RABGAP1L: variants seen among roughly 807,000 people sequenced by gnomAD.
The protein encoded by RABGAP1L is RAB GTPase activating protein 1 like.
A neutral mutation model predicts 137.7 loss-of-function variants in RABGAP1L; 63 were observed. That is an observed-to-expected ratio of 0.46 (90% CI 0.37 to 0.56). RABGAP1L has a LOEUF of 0.56. RABGAP1L is among the 20% of genes least tolerant of loss of function. The pLI is 0.00. For synonymous variants in RABGAP1L, 431 were observed against 433.7 expected, an observed-to-expected ratio of 0.99 and a Z score of 0.08; for missense variants, 1,095 against 1,244.0, an observed-to-expected ratio of 0.88 and a Z score of 1.80.
chr1:174,944,274 C>CA (rs56225773), intron 19 of RABGAP1L, among the ~76,000 whole-genome samples: 11,952 of 50,438 alleles, frequency 0.24, 1,356 homozygotes, highest in East Asian at 0.58. Context: ...AAGACTGTCT[C>CA]AAAAAAAAAA....
rs1052206248 is a variant in RABGAP1L at position 174,213,797 on chromosome 1, G to A, written c.-33-5328G>A. On this transcript the variant is annotated intron_variant, in intron 1 of 25. Transcript: ENST00000681986. ...ATTTGAAAACATTCAACATCGCTTC[G>A]TGATAAAAACCCTTAAAGAACTGGG... 4.6e-5 allele frequency among the ~76,000 whole-genome samples: 7 copies of A among 152,256 alleles called. No individual in the cohort carries two copies. The East Asian group carries it at 9.6e-4, about 21-fold the overall frequency.
chr1:174,704,096 C>G (rs1679874285), intron 17 of RABGAP1L, among the ~76,000 whole-genome samples: 1 of 152,202 alleles, frequency 6.6e-6, no homozygotes, highest in South Asian at 2.1e-4. Context: ...CTGCCGGGTT[C>G]AAGCAATTCT....
intron 10 of RABGAP1L, among the ~76,000 whole-genome samples, chr1:174,286,832 A>G (rs142083478): frequency 3.7e-4 from 56 of 152,190 alleles, no homozygotes; most frequent in African/African-American, 1.3e-3. Context: ...TAGTTTCTAT[A>G]TATCTGAATT....
intron 18 of RABGAP1L, among the ~76,000 whole-genome samples, chr1:174,779,101 C>A (rs1204400528): frequency 7.2e-5 from 11 of 152,206 alleles, no homozygotes; most frequent in Non-Finnish European, 7.3e-5. Context: ...CACATCTGTA[C>A]ATCATGTTTC....
chr1:174,599,347 T>C (rs1025440621), intron 13 of RABGAP1L, among the ~76,000 whole-genome samples: 2 of 152,256 alleles, frequency 1.3e-5, no homozygotes, highest in African/African-American at 4.8e-5. Context: ...TTTTGATCTT[T>C]ATATGGAAGA....
In RABGAP1L at chr1:174,609,490, T is replaced by C. The variant is rs1229799585; in HGVS notation, c.1711-27885T>C. Among the ~76,000 whole-genome samples, 12 of 152,262 alleles carry C rather than the reference T, an allele frequency of 7.9e-5. No homozygotes were observed. In the East Asian group the frequency reaches 2.3e-3, roughly 29 times the overall value. On this transcript the variant is annotated intron_variant, in intron 13 of 25. Coordinates refer to ENST00000681986, the MANE Select transcript of RABGAP1L (RefSeq NM_001366446.1). ...TTGATTAAAGGGGTAGAAGGGAATT[T>C]CAAACGAGAGGAGGACTGTAACCAT... is the stretch of plus-strand genomic sequence containing the variant.
intron 1 of RABGAP1L, among the ~76,000 whole-genome samples, chr1:174,184,232 C>G (rs147802238): frequency 6.6e-6 from 1 of 152,110 alleles, no homozygotes; most frequent in African/African-American, 2.4e-5. Flanking sequence ...CTTTGTCACT[C>G]ATTTCTTAGC....
intron 18 of RABGAP1L, among the ~76,000 whole-genome samples, chr1:174,797,521 G>T (rs1270272468): frequency 3.7e-5 from 5 of 134,420 alleles, no homozygotes; most frequent in South Asian, 2.5e-4. Flanking sequence ...GTGTGTAGGG[G>T]GTGTGTGTGT....
intron 13 of RABGAP1L, among the ~76,000 whole-genome samples, chr1:174,576,273 C>A (rs1329228965): frequency 3.9e-5 from 6 of 152,096 alleles, no homozygotes; most frequent in Non-Finnish European, 8.8e-5. Flanking sequence ...GCATTTATAG[C>A]CCTATCTTAT....
chr1:174,842,662 C>A (rs1693542835), intron 19 of RABGAP1L, among the ~76,000 whole-genome samples: 3 of 152,182 alleles, frequency 2.0e-5, no homozygotes, highest in Non-Finnish European at 4.4e-5. Context: ...GCTAAACTCA[C>A]ACAATCTTAC....
At chr1:174,573,211 CAT>C (rs777917152) in intron 13 of RABGAP1L, among the ~76,000 whole-genome samples, 32 of 148,474 alleles carry the variant, frequency 2.2e-4, no homozygotes, top group Non-Finnish European at 1.0e-4. Flanking sequence ...ATATGTGTGA[CAT>C]ATATACACAC....
chr1:174,604,503 C>T (rs1670636598), intron 13 of RABGAP1L, among the ~76,000 whole-genome samples: 1 of 152,154 alleles, frequency 6.6e-6, no homozygotes, highest in Non-Finnish European at 1.5e-5. Context: ...TAAAACCAGG[C>T]ACTGTGATTG....
intron 3 of RABGAP1L, among the ~76,000 whole-genome samples, chr1:174,223,580 A>G (rs984262734): frequency 8.5e-5 from 13 of 152,096 alleles, no homozygotes; most frequent in African/African-American, 2.9e-4. Context: ...AAATTTTAAT[A>G]AAATTATAAA....
Position 174,973,989 on chromosome 1 carries a change from T to G in RABGAP1L, c.2545-2089T>G, listed in dbSNP as rs895765131. On this transcript the variant is annotated intron_variant, in intron 21 of 25. Coordinates refer to ENST00000681986, the MANE Select transcript of RABGAP1L (RefSeq NM_001366446.1). Reference sequence around the variant, plus strand: ...GTACAATTGTTTTTTGTTTTTTTTTTTTTTTTTTTTTTTTTTTGAGACGGA... The same window carrying G: ...GTACAATTGTTTTTTGTTTTTTTTTGTTTTTTTTTTTTTTTTTGAGACGGA... 4.0e-4 allele frequency among the ~76,000 whole-genome samples: 56 copies of G among 139,280 alleles called. No individual in the cohort carries two copies. The South Asian group carries it at 8.2e-3, about 20-fold the overall frequency. 91.4% of individuals were successfully genotyped at this position (139,280 alleles called of 152,430 possible).
At chr1:174,694,426 A>C (rs1028817016) in intron 15 of RABGAP1L, among the ~76,000 whole-genome samples, 1 of 139,530 alleles carries the variant, frequency 7.2e-6, no homozygotes, top group African/African-American at 2.7e-5. Flanking sequence ...TTCAGTTCCC[A>C]CCTATGAGGG....
chr1:174,824,816 A>T (rs529513688), intron 19 of RABGAP1L, among the ~76,000 whole-genome samples: 101 of 150,696 alleles, frequency 6.7e-4, no homozygotes, highest in Non-Finnish European at 1.2e-3. Context: ...CTAAAAAAAA[A>T]TTTTTTTTTT....
intron 19 of RABGAP1L, among the ~76,000 whole-genome samples, chr1:174,908,811 T>C (rs1659556804): frequency 6.7e-6 from 1 of 149,520 alleles, no homozygotes; most frequent in Non-Finnish European, 1.5e-5. Flanking sequence ...CCCCAAGTGC[T>C]GGGATTACAG....
In RABGAP1L at chr1:174,821,288, C is replaced by T. The variant is rs576215106; in HGVS notation, c.2340+9328C>T. 1.3e-4 allele frequency among the ~76,000 whole-genome samples: 20 copies of T among 152,226 alleles called. No individual in the cohort carries two copies. In the East Asian group the frequency reaches 3.9e-3, roughly 29 times the overall value. On this transcript the variant is annotated intron_variant, in intron 19 of 25. Coordinates refer to ENST00000681986, the MANE Select transcript of RABGAP1L (RefSeq NM_001366446.1). ...GGGCACTCATGGTTAAAAACAGAATCCTGACCCAGCATCTTCTCACACACC... is the reference window on the plus strand; with the variant it reads ...GGGCACTCATGGTTAAAAACAGAATTCTGACCCAGCATCTTCTCACACACC...
intron 13 of RABGAP1L, among the ~76,000 whole-genome samples, chr1:174,508,059 T>C (rs1343939760): frequency 6.6e-6 from 1 of 152,142 alleles, no homozygotes; most frequent in Non-Finnish European, 1.5e-5. Context: ...ATTATATGAG[T>C]ATTATGAGTG....
Sources: gnomAD v4.1 joint callset for allele counts (sites outside exome capture counted in the v4.1 genomes callset) on GRCh38, gnomAD v4.1.1 for gene constraint, MANE v1.5 for transcripts, NCBI Gene and HGNC (gene_info 2026-07-23, HGNC 2026-07-21) for gene names.